Variants in LRRC74A observed in about 807,000 individuals in gnomAD.
The protein encoded by LRRC74A is leucine rich repeat containing 74A, also known as leucine-rich repeat-containing protein 74A.
Under a neutral mutation model 57.9 loss-of-function variants are expected in LRRC74A, and 44 were observed. The observed-to-expected ratio is 0.76, with a 90% CI of 0.60 to 0.98. The LOEUF (loss-of-function observed/expected upper bound fraction) is 0.98, where lower values mean the gene tolerates loss of function less well. Among genes scored for constraint, LRRC74A ranks in the 50% least tolerant of loss-of-function variants. The pLI is 0.00. For synonymous variants in LRRC74A, 211 were observed against 219.4 expected (o/e 0.96, Z 0.34); for missense variants, 572 against 574.0 (o/e 1.00, Z 0.04).
intron 3 of LRRC74A, among the ~76,000 whole-genome samples, chr14:76,832,861 CAG>C (rs1416377527): frequency 2.0e-5 from 3 of 152,148 alleles, no homozygotes; most frequent in Non-Finnish European, 4.4e-5. Context: ...GATCCTGTGA[CAG>C]AGTCTATGTG....
At chr14:76,853,548 T>G (rs1253908740) in intron 9 of LRRC74A, 138 bp downstream of exon 9, 1 of 822,166 alleles carries the variant, frequency 1.2e-6, no homozygotes, top group Non-Finnish European at 1.9e-6. Context: ...TGCATGTACT[T>G]TTTACCATCT....
Position 76,860,805 on chromosome 14 carries a change from T to C in LRRC74A, c.1166T>C (p.Ile389Thr). 6.2e-7 allele frequency: 1 copy of C among 1,611,140 alleles called. No individual in the cohort carries two copies. Among genetic ancestry groups the C allele is most frequent in the South Asian group, 1.1e-5 (1 of 90,678 alleles). Residue 389 changes from isoleucine to threonine, a missense_variant, in exon 11 of 14, where the codon ATC (isoleucine) becomes ACC (threonine). Coordinates refer to ENST00000689127, the MANE Select transcript of LRRC74A (RefSeq NM_001385106.1). ...AVQGLSPKKT[I>T]FLLTNPMKLI... ...CAAGGCCTCTCTCCCAAGAAAACCA[T>C]CTTCTTGTTGACAAACCCCATGAAA...
chr14:76,851,650 G>C (rs1897499087), intron 7 of LRRC74A, among the ~76,000 whole-genome samples: 1 of 150,568 alleles, frequency 6.6e-6, no homozygotes, highest in South Asian at 2.1e-4. Flanking sequence ...GAGCCACCGT[G>C]CCTGGCCAAA....
chr14:76,852,002 A>G (rs1452467389), intron 7 of LRRC74A, among the ~76,000 whole-genome samples: 1 of 152,142 alleles, frequency 6.6e-6, no homozygotes, highest in Non-Finnish European at 1.5e-5. Flanking sequence ...GTAAACATCT[A>G]CAAGCACCTT....
chr14:76,836,074 C>A (rs913673480), intron 3 of LRRC74A, 133 bp from the exon 4 acceptor site: 56 of 663,784 alleles, frequency 8.4e-5, no homozygotes, highest in Non-Finnish European at 1.4e-4. Flanking sequence ...GGTCTCCTCG[C>A]CCTTGCCAGG....
chr14:76,844,084 G>A (rs569624701), intron 5 of LRRC74A, among the ~76,000 whole-genome samples: 3 of 151,914 alleles, frequency 2.0e-5, no homozygotes, highest in East Asian at 1.9e-4. Context: ...CTGCAGCCTC[G>A]ACCTCCTGGG....
chr14:76,839,796 C>T (rs1182135587), intron 5 of LRRC74A, among the ~76,000 whole-genome samples: 6 of 151,972 alleles, frequency 3.9e-5, no homozygotes, highest in Admixed American at 3.9e-4. Context: ...ACTTTCTCGA[C>T]CTCGACTCAC....
chr14:76,855,222 CAGG>C (rs928996538), intron 9 of LRRC74A, among the ~76,000 whole-genome samples: 1 of 152,144 alleles, frequency 6.6e-6, no homozygotes, highest in African/African-American at 2.4e-5. Flanking sequence ...ATCTAGTGAC[CAGG>C]AGATCTGGGA....
Position 76,831,367 on chromosome 14 carries a change from G to T in LRRC74A, c.331G>T (p.Ala111Ser). ...CAGGGGTACCAAGGCTATTGCTATA[G>T]CCCTGGTGGTGAGCATGCTAGTGGG... ...GPRGTKAIAI[A>S]LVSNMAVTKL... is the part of the protein sequence containing the mutation. The change falls in exon 3 of 14, where the codon GCC becomes TCC. Residue 111 changes from alanine (A) to serine (S), a missense_variant. Ala to Ser is a moderately conservative substitution (Grantham distance 99). Coordinates refer to ENST00000689127, the MANE Select transcript of LRRC74A (RefSeq NM_001385106.1). The T allele has an allele frequency of 6.2e-7, 1 of 1,613,146 alleles. No individual in the cohort carries two copies. The highest frequency in any genetic ancestry group is 8.5e-7 in the Non-Finnish European group (1 of 1,179,784).
At position 76,861,779 on chromosome 14, in the gene LRRC74A, G is replaced by T. The variant is rs1595395655; in HGVS notation, c.1200+940G>T. ...CCTCTCACCCTGCAGTGGGGGCAAG[G>T]AGCCTGCTGCTGGCCGCAGAGCGGT... On this transcript the variant is annotated intron_variant, in intron 11 of 13. Coordinates refer to ENST00000689127, the MANE Select transcript of LRRC74A (RefSeq NM_001385106.1). Among the ~76,000 whole-genome samples the T allele has an allele frequency of 2.6e-5, 4 of 152,340 alleles. No individual in the cohort carries two copies. The South Asian group carries it at 8.3e-4, about 32-fold the overall frequency.
chr14:76,850,372 G>A (rs1324356891), intron 7 of LRRC74A, among the ~76,000 whole-genome samples: 1 of 152,128 alleles, frequency 6.6e-6, no homozygotes, highest in Non-Finnish European at 1.5e-5. Flanking sequence ...TGATGCAGGT[G>A]TGCAAGGTGT....
chr14:76,857,657 T>G (rs1898005983), intron 10 of LRRC74A, among the ~76,000 whole-genome samples, 182 bp downstream of exon 10: 1 of 152,052 alleles, frequency 6.6e-6, no homozygotes, highest in African/African-American at 2.4e-5. Context: ...TTAGGAAGAG[T>G]AGCTATTAGT....
rs538117698 is a variant in LRRC74A, at chr14:76,828,354, C to A, written c.101C>A (p.Ser34Tyr). 6 of 1,613,716 alleles carry A rather than the reference C, an allele frequency of 3.7e-6. No individual in the cohort carries two copies. The South Asian group carries it at 4.4e-5, about 12-fold the overall frequency. Residue 34 changes from serine (S) to tyrosine (Y), a missense_variant, in exon 2 of 14, where the codon TCC (serine) becomes TAC (tyrosine). Ser to Tyr is a moderately radical substitution (Grantham distance 144). Coordinates refer to ENST00000689127, the MANE Select transcript of LRRC74A (RefSeq NM_001385106.1). The part of the protein sequence containing the change: ...SDKMLYCEAE[S>Y]PPTVEKVKPA... ...AAAATGCTCTACTGTGAGGCCGAAT[C>A]CCCGCCGACTGTTGAAAAAGTGAAA...
chr14:76,866,102 CTGTG>C (rs775993218), intron 12 of LRRC74A, 27 bp downstream of exon 12: 3 of 1,444,648 alleles, frequency 2.1e-6, no homozygotes, highest in Non-Finnish European at 2.9e-6. Context: ...TGGCAACAGG[CTGTG>C]TGTGAGTGTG....
intron 4 of LRRC74A, among the ~76,000 whole-genome samples, chr14:76,837,190 T>A (rs569660725): frequency 1.6e-4 from 25 of 152,296 alleles, no homozygotes; most frequent in African/African-American, 5.3e-4. Flanking sequence ...TAAAGTGAAC[T>A]TTCTTAAAGA....
intron 13 of LRRC74A, among the ~76,000 whole-genome samples, chr14:76,868,785 C>A (rs549011904): frequency 2.0e-5 from 3 of 152,342 alleles, no homozygotes; most frequent in African/African-American, 7.2e-5. Context: ...GTGGAGAAAC[C>A]GCGATGCAGA....
chr14:76,854,332 G>A (rs1384016777), intron 9 of LRRC74A, among the ~76,000 whole-genome samples: 1 of 152,232 alleles, frequency 6.6e-6, no homozygotes, highest in East Asian at 1.9e-4. Flanking sequence ...TTTGGGCCAG[G>A]TGCGGTGGCT....
intron 7 of LRRC74A, among the ~76,000 whole-genome samples, chr14:76,850,124 C>T (rs1342579182): frequency 3.3e-5 from 5 of 152,018 alleles, no homozygotes; most frequent in East Asian, 3.9e-4. Flanking sequence ...AGGATAATGG[C>T]GTGAACCTGG....
intron 9 of LRRC74A, among the ~76,000 whole-genome samples, chr14:76,857,122 A>G (rs1276606681): frequency 6.7e-6 from 1 of 150,226 alleles, no homozygotes; most frequent in African/African-American, 2.5e-5. Context: ...AGGTGGATAG[A>G]TGGATGGATG....
Sources: allele counts gnomAD v4.1 joint callset (sites outside exome capture counted in the v4.1 genomes callset), GRCh38; gene constraint gnomAD v4.1.1; transcripts MANE v1.5; gene names NCBI Gene and HGNC (gene_info 2026-07-23, HGNC 2026-07-21).